The following GRM8 variants were observed in gnomAD, a reference collection of about 807,000 sequenced individuals.
GRM8 encodes glutamate metabotropic receptor 8.
In GRM8, 47 loss-of-function variants were observed where a neutral mutation model predicts 87.2. The observed-to-expected ratio is 0.54, with a 90% confidence interval of 0.43 to 0.69. The LOEUF is 0.69. Among genes scored for constraint, GRM8 ranks in the 30% least tolerant of loss-of-function variants. The pLI is 0.00. For synonymous variants in GRM8, 396 were observed against 404.5 expected (o/e 0.98, Z 0.25); for missense variants, 1,019 against 1,139.2 (o/e 0.89, Z 1.52).
At chr7:127,241,870 T>C (rs1416865959) in intron 2 of GRM8, among the ~76,000 whole-genome samples, 1 of 152,232 alleles carries the variant, frequency 6.6e-6, no homozygotes, top group Non-Finnish European at 1.5e-5. Flanking sequence ...AAAGACTACA[T>C]ATTGGTTATT....
intron 6 of GRM8, among the ~76,000 whole-genome samples, chr7:126,841,922 G>A (rs1333919212): frequency 2.6e-5 from 4 of 152,046 alleles, no homozygotes; most frequent in Non-Finnish European, 4.4e-5. Flanking sequence ...GTGAGCCACC[G>A]TGACCGGCCC....
chr7:126,510,604 G>A (rs1452968651), intron 9 of GRM8, among the ~76,000 whole-genome samples: 1 of 152,236 alleles, frequency 6.6e-6, no homozygotes, highest in Non-Finnish European at 1.5e-5. Flanking sequence ...AATATGTAAA[G>A]AATTGATTGA....
intron 8 of GRM8, among the ~76,000 whole-genome samples, chr7:126,598,170 C>T (rs1346318075): frequency 2.0e-5 from 3 of 151,926 alleles, no homozygotes; most frequent in African/African-American, 7.3e-5. Flanking sequence ...TTCTCTATTT[C>T]TGTTATTTTC....
chr7:126,801,552 G>A (rs114289699), intron 6 of GRM8, among the ~76,000 whole-genome samples: 4,788 of 69,044 alleles, frequency 0.069, 288 homozygotes, highest in African/African-American at 0.14. Context: ...GTATTACTAT[G>A]TGGCTGGTAT....
At chr7:126,599,100 C>G (rs900343102) in intron 8 of GRM8, among the ~76,000 whole-genome samples, 1 of 152,136 alleles carries the variant, frequency 6.6e-6, no homozygotes, top group African/African-American at 2.4e-5. Flanking sequence ...TCAGAAGTCA[C>G]TCAGTAACTC....
chr7:127,101,102 C>T (rs1825200350), intron 3 of GRM8, among the ~76,000 whole-genome samples: 1 of 152,158 alleles, frequency 6.6e-6, no homozygotes, highest in African/African-American at 2.4e-5. Context: ...CCCAGGTATG[C>T]AATTTCAAGT....
rs146230670 is a variant in GRM8, at chr7:126,562,872, G to T, written c.1495-28985C>A. ...AGACCATACCACTGCACTCCAGCCTGGGCAACAAGAGCAAAACTCCATCTC... is the reference window on the plus strand; with the variant it reads ...AGACCATACCACTGCACTCCAGCCTTGGCAACAAGAGCAAAACTCCATCTC... On this transcript the variant is annotated intron_variant, in intron 8 of 10. Coordinates refer to ENST00000339582, the MANE Select transcript of GRM8 (RefSeq NM_000845.3). Among the ~76,000 whole-genome samples, 996 of 152,258 alleles carry T rather than the reference G, an allele frequency of 6.5e-3. 30 individuals carry two copies. Among genetic ancestry groups the T allele is most frequent in the Admixed American group, 0.054 (818 of 15,288 alleles).
At chr7:126,732,898 G>A (rs1478211346) in intron 7 of GRM8, among the ~76,000 whole-genome samples, 4 of 152,038 alleles carry the variant, frequency 2.6e-5, no homozygotes, top group Admixed American at 2.0e-4. Context: ...TTTAGGTCAC[G>A]GTTGCCCAAC....
At chr7:126,612,411 C>G (rs952218067) in intron 7 of GRM8, among the ~76,000 whole-genome samples, 4 of 152,176 alleles carry the variant, frequency 2.6e-5, no homozygotes, top group African/African-American at 9.7e-5. Flanking sequence ...TTCCCATTCT[C>G]TTTCCTCCTT....
rs563665815 is a variant in GRM8, at chr7:127,174,174, G to A, written c.511-67462C>T. Among the ~76,000 whole-genome samples, 48 of 152,258 alleles carry A rather than the reference G, an allele frequency of 3.2e-4. No individual in the cohort carries two copies. In the South Asian group the frequency reaches 8.5e-3, roughly 27 times the overall value. ...GTTCTCAAACGTACACAAGATGTACGTAATGTCCTGTCCATTTGTTTCCCT... is the reference window on the plus strand; with the variant it reads ...GTTCTCAAACGTACACAAGATGTACATAATGTCCTGTCCATTTGTTTCCCT... On this transcript the variant is annotated intron_variant, in intron 2 of 10. Coordinates refer to ENST00000339582, the MANE Select transcript of GRM8 (RefSeq NM_000845.3).
chr7:126,484,326 C>T (rs1228306181), intron 9 of GRM8, among the ~76,000 whole-genome samples: 1 of 151,910 alleles, frequency 6.6e-6, no homozygotes, highest in Non-Finnish European at 1.5e-5. Context: ...CGCAAATAGA[C>T]CTACATTATG....
At chr7:126,941,381 G>A (rs1464057906) in intron 3 of GRM8, among the ~76,000 whole-genome samples, 2 of 151,648 alleles carry the variant, frequency 1.3e-5, no homozygotes, top group Admixed American at 1.3e-4. Flanking sequence ...GCCGAAGCGG[G>A]TGGATCATGA....
intron 8 of GRM8, among the ~76,000 whole-genome samples, chr7:126,581,578 T>G (rs1318399129): frequency 6.6e-6 from 1 of 152,110 alleles, no homozygotes; most frequent in Non-Finnish European, 1.5e-5. Flanking sequence ...TAAAACTGTT[T>G]ACTCTATACA....
chr7:126,756,590 A>G (rs1331296694), intron 7 of GRM8, among the ~76,000 whole-genome samples: 1 of 152,108 alleles, frequency 6.6e-6, no homozygotes, highest in Non-Finnish European at 1.5e-5. Context: ...GATGAAATGA[A>G]CTATCAGGCC....
intron 9 of GRM8, among the ~76,000 whole-genome samples, chr7:126,454,438 AC>A (rs1205884356): frequency 1.3e-5 from 2 of 151,732 alleles, no homozygotes; most frequent in African/African-American, 4.8e-5. Context: ...CTTTTTAAAG[AC>A]AAAATAATTG....
At chr7:126,683,572 C>G (rs1807853748) in intron 7 of GRM8, among the ~76,000 whole-genome samples, 1 of 152,034 alleles carries the variant, frequency 6.6e-6, no homozygotes, top group Non-Finnish European at 1.5e-5. Context: ...TTCTTTCTCC[C>G]CTCCCTCCAT....
rs77999332 is a variant in GRM8 at position 126,959,851 on chromosome 7, A to G, written c.728-55168T>C. Among the ~76,000 whole-genome samples the G allele has an allele frequency of 2.3e-3, 347 of 152,282 alleles. 1 individual carries two copies. Among genetic ancestry groups the G allele is most frequent in the African/African-American group, 7.9e-3 (329 of 41,564 alleles). On this transcript the variant is annotated intron_variant, in intron 3 of 10. Transcript: ENST00000339582. The stretch of plus-strand genomic sequence containing the variant: ...ATAAACCTAAGGCAAAACCAGTTTC[A>G]TCACTTGTTAGCTGCATGGCACTGA...
At chr7:126,763,616 A>T (rs182348613) in intron 7 of GRM8, among the ~76,000 whole-genome samples, 1 of 151,826 alleles carries the variant, frequency 6.6e-6, no homozygotes, top group East Asian at 1.9e-4. Context: ...ATTGTAGTTT[A>T]TCACATGTCT....
chr7:127,051,625 TACAAATTA>T (rs1819482152), intron 3 of GRM8, among the ~76,000 whole-genome samples: 1 of 147,878 alleles, frequency 6.8e-6, no homozygotes, highest in Admixed American at 6.9e-5. Flanking sequence ...ATTATCCAAA[TACAAATTA>T]ACAAATTGTG....
Sources: gnomAD v4.1 joint callset for allele counts (sites outside exome capture counted in the v4.1 genomes callset) on GRCh38, gnomAD v4.1.1 for gene constraint, MANE v1.5 for transcripts, NCBI Gene and HGNC (gene_info 2026-07-23, HGNC 2026-07-21) for gene names.